DCDC1: variants seen among roughly 807,000 people sequenced by gnomAD.
DCDC1 encodes the protein doublecortin domain-containing protein 1.
DCDC1 carries 200 observed loss-of-function variants against 178.3 expected under a neutral mutation model. The observed-to-expected ratio is 1.12, with a 90% CI of 1.00 to 1.26. The LOEUF (loss-of-function observed/expected upper bound fraction) is 1.26, where lower values mean the gene tolerates loss of function less well. Ranked by LOEUF, DCDC1 falls within the 50% of genes most tolerant of loss-of-function variation. The probability of loss-of-function intolerance (pLI) is 0.00; values close to 1 mark genes in which losing one functional copy is unlikely to be tolerated. For missense variants in DCDC1, 1,983 were observed against 1,749.2 expected (o/e 1.13, Z -2.38); for synonymous variants, 690 against 604.8 (o/e 1.14, Z -2.07).
chr11:31,097,494 A>T (rs966706172), intron 15 of DCDC1, among the ~76,000 whole-genome samples: 1 of 152,242 alleles, frequency 6.6e-6, no homozygotes, highest in Non-Finnish European at 1.5e-5. Context: ...ATTAAAGAAA[A>T]TGTTATACAA....
chr11:30,964,770 C>T (rs539659946), intron 20 of DCDC1, among the ~76,000 whole-genome samples: 1 of 152,060 alleles, frequency 6.6e-6, no homozygotes, highest in Non-Finnish European at 1.5e-5. Flanking sequence ...CCAATGTTAA[C>T]CACATCTTCA....
intron 20 of DCDC1, among the ~76,000 whole-genome samples, chr11:31,022,643 TTG>T (rs4067986): frequency 0.089 from 10,705 of 120,830 alleles, 466 homozygotes; most frequent in Admixed American, 0.11. Context: ...GTCTTTTAGT[TTG>T]TGTGTGTGTG....
intron 10 of DCDC1, among the ~76,000 whole-genome samples, chr11:31,129,060 T>C (rs1258723009): frequency 6.6e-6 from 1 of 152,096 alleles, no homozygotes; most frequent in Non-Finnish European, 1.5e-5. Context: ...AAAAATATGG[T>C]ATTTGCCCCG....
intron 9 of DCDC1, among the ~76,000 whole-genome samples, chr11:31,166,628 A>AT (rs1243056634): frequency 6.6e-6 from 1 of 152,104 alleles, no homozygotes; most frequent in Non-Finnish European, 1.5e-5. Context: ...GTGGGTCATC[A>AT]TTTTTTTAAA....
intron 32 of DCDC1, 146 bp from the exon 33 acceptor site, chr11:30,900,644 T>C: frequency 1.3e-6 from 1 of 761,880 alleles, no homozygotes; most frequent in Non-Finnish European, 1.8e-6. Flanking sequence ...GACTAATGCA[T>C]AATTTTGGTC....
intron 1 of DCDC1, among the ~76,000 whole-genome samples, chr11:31,340,243 G>C (rs1373945131): frequency 6.6e-6 from 1 of 152,022 alleles, no homozygotes; most frequent in Non-Finnish European, 1.5e-5. Context: ...AAATTAGCAA[G>C]AATTGGTCTG....
intron 1 of DCDC1, among the ~76,000 whole-genome samples, chr11:31,353,818 C>T (rs1200998817): frequency 1.3e-5 from 2 of 152,144 alleles, no homozygotes; most frequent in African/African-American, 2.4e-5. Flanking sequence ...CCTTTGATTA[C>T]TGGATAATAA....
intron 20 of DCDC1, among the ~76,000 whole-genome samples, chr11:31,002,966 TA>T (rs1380148424): frequency 6.6e-6 from 1 of 152,148 alleles, no homozygotes; most frequent in African/African-American, 2.4e-5. Flanking sequence ...CTTTATGAAG[TA>T]AACTTGACCT....
intron 9 of DCDC1, among the ~76,000 whole-genome samples, chr11:31,187,735 C>G (rs1969669994): frequency 6.6e-6 from 1 of 152,124 alleles, no homozygotes; most frequent in African/African-American, 2.4e-5. Context: ...CTTCACAGAG[C>G]TGGTTAAAAA....
At position 31,167,907 on chromosome 11, in the gene DCDC1, A is replaced by G. The variant is rs111548929; in HGVS notation, c.1222-30123T>C. 6.2e-3 allele frequency among the ~76,000 whole-genome samples: 951 copies of G among 152,286 alleles called. 13 individuals are homozygous for G. Among genetic ancestry groups the G allele is most frequent in the African/African-American group, 0.021 (889 of 41,574 alleles). The stretch of plus-strand genomic sequence containing the variant: ...AAATGTCAACCCACCATCACTCATC[A>G]ATGCTGAAGATACAATAGTGAACAA... On this transcript the variant is annotated intron_variant, in intron 9 of 38. Transcript: ENST00000684477.
intron 18 of DCDC1, among the ~76,000 whole-genome samples, chr11:31,068,634 C>T (rs1200448959): frequency 2.0e-5 from 3 of 152,104 alleles, no homozygotes; most frequent in East Asian, 3.9e-4. Flanking sequence ...GGAATAGGTT[C>T]AAGAGGTACT....
At chr11:31,189,007 G>T (rs796172346) in intron 9 of DCDC1, among the ~76,000 whole-genome samples, 27 of 152,248 alleles carry the variant, frequency 1.8e-4, no homozygotes, top group African/African-American at 6.5e-4. Flanking sequence ...AGCCAAGAAG[G>T]TGCCATCTTT....
chr11:31,075,917 T>C (rs943989916), intron 18 of DCDC1, among the ~76,000 whole-genome samples: 3 of 152,184 alleles, frequency 2.0e-5, no homozygotes, highest in African/African-American at 7.2e-5. Context: ...TGGAGTGCAA[T>C]GGTGCGATCT....
chr11:31,071,131 A>G (rs1956533186), intron 18 of DCDC1, among the ~76,000 whole-genome samples: 1 of 152,218 alleles, frequency 6.6e-6, no homozygotes, highest in Non-Finnish European at 1.5e-5. Flanking sequence ...AAATAAATGT[A>G]ATAAATAAAA....
intron 9 of DCDC1, among the ~76,000 whole-genome samples, chr11:31,138,766 T>G (rs1963467838): frequency 6.6e-6 from 1 of 152,200 alleles, no homozygotes; most frequent in Non-Finnish European, 1.5e-5. Context: ...GAAGACTTAC[T>G]CCTATATTTG....
At chr11:31,367,000 G>A (rs988587034) in intron 1 of DCDC1, among the ~76,000 whole-genome samples, 1 of 152,154 alleles carries the variant, frequency 6.6e-6, no homozygotes, top group African/African-American at 2.4e-5. Context: ...CTGAGATAAA[G>A]ATCAACAAAA....
intron 1 of DCDC1, among the ~76,000 whole-genome samples, chr11:31,366,764 G>A (rs1292351545): frequency 1.3e-5 from 2 of 152,152 alleles, no homozygotes; most frequent in East Asian, 3.9e-4. Context: ...CCAAGGAGAT[G>A]GGACATCAGT....
chr11:31,274,630 A>G (rs921841249), intron 7 of DCDC1, among the ~76,000 whole-genome samples: 3 of 151,786 alleles, frequency 2.0e-5, no homozygotes, highest in Non-Finnish European at 4.4e-5. Context: ...GCCTCATAGG[A>G]AAGGAAAGAA....
At chr11:30,924,502 A>C (rs894897676) in intron 23 of DCDC1, among the ~76,000 whole-genome samples, 2 of 152,132 alleles carry the variant, frequency 1.3e-5, no homozygotes, top group South Asian at 2.1e-4. Flanking sequence ...AAATTCTATA[A>C]ATGAGGGGGA....
Sources: allele counts gnomAD v4.1 joint callset (sites outside exome capture counted in the v4.1 genomes callset), GRCh38; gene constraint gnomAD v4.1.1; transcripts MANE v1.5; gene names NCBI Gene and HGNC (gene_info 2026-07-23, HGNC 2026-07-21).